The following ZNF423 variants were observed in gnomAD, a reference collection of about 807,000 sequenced individuals.
The protein encoded by ZNF423 is Ebf-associated zinc finger protein.
In ZNF423, 12 loss-of-function variants were observed where a neutral mutation model predicts 95.8. The ratio of observed to expected loss-of-function variants is 0.13; its 90% CI spans 0.08 to 0.20. The LOEUF is 0.20. ZNF423 is among the 10% of genes least tolerant of loss of function. The probability of loss-of-function intolerance (pLI) is 1.00; values close to 1 mark genes in which losing one functional copy is unlikely to be tolerated. For synonymous variants in ZNF423, 749 were observed against 711.9 expected (o/e 1.05, Z -0.83); for missense variants, 1,316 against 1,737.1 (o/e 0.76, Z 4.31).
intron 7 of ZNF423, among the ~76,000 whole-genome samples, chr16:49,503,995 C>G (rs73578429): frequency 6.6e-6 from 1 of 152,116 alleles, no homozygotes. Context: ...GGACACTAGG[C>G]CAGGTGGAAT....
chr16:49,614,319 A>G (rs1318992394), intron 5 of ZNF423, among the ~76,000 whole-genome samples: 3 of 152,262 alleles, frequency 2.0e-5, no homozygotes, highest in Admixed American at 6.5e-5. Context: ...GAGAACGTAG[A>G]GAAATGTGAT....
chr16:49,589,094 G>A (rs1264769284), intron 5 of ZNF423, among the ~76,000 whole-genome samples: 5 of 152,144 alleles, frequency 3.3e-5, no homozygotes, highest in African/African-American at 1.2e-4. Context: ...GAGAAACAAA[G>A]ACAACAGCCA....
intron 2 of ZNF423, among the ~76,000 whole-genome samples, chr16:49,741,859 T>G (rs976587134): frequency 6.6e-6 from 1 of 152,258 alleles, no homozygotes; most frequent in Non-Finnish European, 1.5e-5. Context: ...CTTCTGAGCC[T>G]CAGTTTCCTC....
chr16:49,777,576 G>A (rs569920323), intron 2 of ZNF423, among the ~76,000 whole-genome samples: 13 of 152,236 alleles, frequency 8.5e-5, no homozygotes, highest in South Asian at 4.2e-4. Context: ...GTGGTGTGTC[G>A]CTGCAATGAC....
At chr16:49,628,642 G>A (rs1314818195) in intron 4 of ZNF423, among the ~76,000 whole-genome samples, 1 of 152,030 alleles carries the variant, frequency 6.6e-6, no homozygotes, top group Admixed American at 6.6e-5. Flanking sequence ...GCTGAGCAGG[G>A]GACACTGTTC....
At chr16:49,668,968 G>C (rs1261889824) in intron 3 of ZNF423, among the ~76,000 whole-genome samples, 1 of 152,116 alleles carries the variant, frequency 6.6e-6, no homozygotes, top group Non-Finnish European at 1.5e-5. Context: ...TCAGTGTCTG[G>C]TCCCCCTTCC....
rs745787224 is a variant in ZNF423, at chr16:49,636,485, G to C, written c.2691C>G (p.Asp897Glu). 4.3e-6 allele frequency: 7 copies of C among 1,613,668 alleles called. No individual in the cohort carries two copies. The highest frequency in any genetic ancestry group is 8.5e-7 in the Non-Finnish European group (1 of 1,180,018). ...VDASEPMYGCDICGAAYTMEV... is the reference protein window; with the variant it reads ...VDASEPMYGCEICGAAYTMEV... ...CCATGGTGTAGGCCGCCCCACAGAT[G>C]TCACAGCCGTACATGGGCTCCGACG... Residue 897 changes from aspartate to glutamate, a missense_variant, in exon 4 of 8, where the codon GAC becomes GAG. This residue lies in a region of ZNF423 where 620 missense variants were observed against 775.6 expected (regional missense o/e 0.80). Transcript: ENST00000563137. This position sits in a 1 kb window ranked among gnomAD's most constrained non-coding sequence, Gnocchi z 8.6.
At chr16:49,731,606 A>T (rs1316671420) in intron 2 of ZNF423, among the ~76,000 whole-genome samples, 1 of 152,006 alleles carries the variant, frequency 6.6e-6, no homozygotes, top group African/African-American at 2.4e-5. Flanking sequence ...GAAGGCCTGG[A>T]GTTTGAGACC....
intron 7 of ZNF423, among the ~76,000 whole-genome samples, chr16:49,501,393 A>G (rs1224962733): frequency 6.6e-6 from 1 of 152,224 alleles, no homozygotes; most frequent in Non-Finnish European, 1.5e-5. Context: ...TTAAAATATC[A>G]GCTTTCTTAG....
At chr16:49,559,799 A>G (rs1019582679) in intron 5 of ZNF423, among the ~76,000 whole-genome samples, 9 of 152,134 alleles carry the variant, frequency 5.9e-5, no homozygotes, top group African/African-American at 2.2e-4. Flanking sequence ...TCCCATATTC[A>G]CTAACATTTT....
intron 5 of ZNF423, among the ~76,000 whole-genome samples, chr16:49,545,532 C>T (rs1035633679): frequency 6.6e-6 from 1 of 152,208 alleles, no homozygotes; most frequent in African/African-American, 2.4e-5. Flanking sequence ...GGTGACCCCC[C>T]ACTCTAACTG....
intron 3 of ZNF423, among the ~76,000 whole-genome samples, chr16:49,677,292 A>AAGGGAAGGGAAGGGAAGG (rs1567284019): frequency 1.1e-4 from 9 of 81,118 alleles, no homozygotes; most frequent in Non-Finnish European, 1.8e-4. Flanking sequence ...AGAAGAGAAG[A>AAGGGAAGGGAAGGGAAGG]GAAGAGAAGA....
At chr16:49,822,304 G>C (rs949214003) in intron 1 of ZNF423, among the ~76,000 whole-genome samples, 2 of 151,970 alleles carry the variant, frequency 1.3e-5, no homozygotes, top group African/African-American at 4.8e-5. Flanking sequence ...CTCCCAAGTA[G>C]CTGGGATTAC....
chr16:49,709,567 C>T (rs1322672151), intron 3 of ZNF423, among the ~76,000 whole-genome samples: 2 of 152,128 alleles, frequency 1.3e-5, no homozygotes, highest in Non-Finnish European at 2.9e-5. Flanking sequence ...CCTTCAGGAG[C>T]ATTTTTCAAG....
chr16:49,778,593 G>T (rs1443883055), intron 2 of ZNF423, among the ~76,000 whole-genome samples: 1 of 151,672 alleles, frequency 6.6e-6, no homozygotes, highest in Non-Finnish European at 1.5e-5. Context: ...CAACCACGGT[G>T]AACAAGAATG....
intron 1 of ZNF423, among the ~76,000 whole-genome samples, chr16:49,845,035 CAAAAAAAAAAAAA>C (rs71138011): frequency 1.3e-4 from 8 of 63,512 alleles, no homozygotes; most frequent in African/African-American, 5.6e-4. Context: ...AACTCCATCT[CAAAAAAAAAAAAA>C]AAAAAAAAAA....
rs138066630 is a variant in ZNF423 at position 49,548,309 on chromosome 16, C to T, written c.3602-22815G>A. On this transcript the variant is annotated intron_variant, in intron 5 of 7. Transcript: ENST00000563137. ...GAAACTGCCATCCCAGACAAATGCA[C>T]GACATTAAAATTTGGTCTAGAGCTC... Among the ~76,000 whole-genome samples, 472 of 152,186 alleles carry T rather than the reference C, an allele frequency of 3.1e-3. 5 individuals carry two copies. Among genetic ancestry groups the T allele is most frequent in the African/African-American group, 0.011 (440 of 41,504 alleles).
intron 5 of ZNF423, among the ~76,000 whole-genome samples, chr16:49,613,610 A>C (rs570974552): frequency 1.6e-4 from 24 of 152,360 alleles, no homozygotes; most frequent in African/African-American, 5.8e-4. Context: ...GTGCTGAGGC[A>C]GGAGGATTGC....
At chr16:49,725,048 A>G (rs1423195603) in intron 3 of ZNF423, among the ~76,000 whole-genome samples, 2 of 152,118 alleles carry the variant, frequency 1.3e-5, no homozygotes, top group African/African-American at 4.8e-5. Context: ...TACTGACACG[A>G]TCTGTAACCT....
Sources: gnomAD v4.1 joint callset for allele counts (sites outside exome capture counted in the v4.1 genomes callset) on GRCh38, gnomAD v4.1.1 for gene constraint, gnomAD v4.1.1 regional missense constraint, Gnocchi (gnomAD v3.1) non-coding constraint, MANE v1.5 for transcripts, NCBI Gene and HGNC (gene_info 2026-07-23, HGNC 2026-07-21) for gene names.